Variants in PRKG1 observed in about 807,000 individuals in gnomAD.
PRKG1 encodes cGMP-dependent protein kinase 1.
Under a neutral mutation model 88.1 loss-of-function variants are expected in PRKG1, and 35 were observed. The ratio of observed to expected loss-of-function variants is 0.40; its 90% CI spans 0.30 to 0.53. The LOEUF (loss-of-function observed/expected upper bound fraction) is 0.53, where lower values mean the gene tolerates loss of function less well. Ranked by LOEUF, PRKG1 falls within the 20% of genes least tolerant of loss-of-function variation. The probability of loss-of-function intolerance (pLI) is 0.59; values close to 1 mark genes in which losing one functional copy is unlikely to be tolerated. For missense variants in PRKG1, 540 were observed against 839.8 expected, an observed-to-expected ratio of 0.64 and a Z score of 4.41; for synonymous variants, 303 against 292.5, an observed-to-expected ratio of 1.04 and a Z score of -0.37.
intron 4 of PRKG1, among the ~76,000 whole-genome samples, chr10:51,903,817 T>A (rs12241315): frequency 0.014 from 2,185 of 152,220 alleles, 60 homozygotes; most frequent in African/African-American, 0.05. Flanking sequence ...AACTCCACCA[T>A]CATTTACAGG....
intron 1 of PRKG1, among the ~76,000 whole-genome samples, chr10:51,116,804 A>G (rs1845133316): frequency 6.6e-6 from 1 of 152,128 alleles, no homozygotes; most frequent in Non-Finnish European, 1.5e-5. Flanking sequence ...CATGAGCAAT[A>G]TTGAACAGCG....
chr10:52,072,412 G>C (rs1296980888), intron 7 of PRKG1, among the ~76,000 whole-genome samples: 1 of 151,796 alleles, frequency 6.6e-6, no homozygotes, highest in East Asian at 1.9e-4. Context: ...CTCCTCTTCA[G>C]GATTTATAAA....
chr10:51,094,338 T>C (rs1844471252), intron 1 of PRKG1, among the ~76,000 whole-genome samples: 1 of 152,108 alleles, frequency 6.6e-6, no homozygotes, highest in Admixed American at 6.6e-5. Context: ...TAAATCTTAA[T>C]AATTAGGAAA....
At chr10:52,195,202 A>G (rs1839473082) in intron 9 of PRKG1, among the ~76,000 whole-genome samples, 1 of 148,448 alleles carries the variant, frequency 6.7e-6, no homozygotes. Context: ...GAGCTGGTTT[A>G]ATGCCACTGC....
rs183369457 is a variant in PRKG1, at chr10:51,976,372, G to A, written c.762+68802G>A. Among the ~76,000 whole-genome samples, 41 of 151,340 alleles carry A rather than the reference G, an allele frequency of 2.7e-4. 1 individual carries two copies. Among genetic ancestry groups the A allele is most frequent in the African/African-American group, 9.0e-4 (37 of 41,304 alleles). Reference sequence around the variant, plus strand: ...CATGCAAATGTCTATCATGATTAACGGAAAAACAAAATGTGATATATCTAC... The same window carrying A: ...CATGCAAATGTCTATCATGATTAACAGAAAAACAAAATGTGATATATCTAC... On this transcript the variant is annotated intron_variant, in intron 5 of 17. Transcript: ENST00000373980.
At chr10:51,928,273 T>C (rs1478767601) in intron 5 of PRKG1, among the ~76,000 whole-genome samples, 1 of 152,204 alleles carries the variant, frequency 6.6e-6, no homozygotes, top group African/African-American at 2.4e-5. Flanking sequence ...CTTTCTCTAT[T>C]TGAGGAAAAA....
rs1477873689 is a variant in PRKG1, at chr10:51,626,023, T to A, written c.592+158187T>A. ...GTAATAGTAATTTTATTTTACTTGC[T>A]GCACGACAATATTGCTGAAGTCAAT... On this transcript the variant is annotated intron_variant, in intron 3 of 17. Coordinates refer to ENST00000373980, the MANE Select transcript of PRKG1 (RefSeq NM_006258.4). 5.9e-5 allele frequency among the ~76,000 whole-genome samples: 9 copies of A among 152,252 alleles called. No individual in the cohort carries two copies. The East Asian group carries it at 1.7e-3, about 29-fold the overall frequency.
Position 51,600,297 on chromosome 10 carries a change from A to G in PRKG1, c.592+132461A>G, listed in dbSNP as rs182474101. ...TTATTATAGGTGGACTCTACTTTCTAACACTACTGATTATGGCCTTCTTCA... is the reference window on the plus strand; with the variant it reads ...TTATTATAGGTGGACTCTACTTTCTGACACTACTGATTATGGCCTTCTTCA... On this transcript the variant is annotated intron_variant, in intron 3 of 17. Coordinates refer to ENST00000373980, the MANE Select transcript of PRKG1 (RefSeq NM_006258.4). Among the ~76,000 whole-genome samples, 153 of 152,280 alleles carry G rather than the reference A, an allele frequency of 1.0e-3. 1 individual carries two copies. Among genetic ancestry groups the G allele is most frequent in the African/African-American group, 2.8e-3 (117 of 41,562 alleles).
intron 3 of PRKG1, among the ~76,000 whole-genome samples, chr10:51,600,062 CATA>C (rs1564567675): frequency 6.6e-6 from 1 of 152,138 alleles, no homozygotes; most frequent in Non-Finnish European, 1.5e-5. Context: ...AACTGATTTT[CATA>C]ATGTTAGATG....
chr10:52,098,115 G>A (rs567470415), intron 7 of PRKG1, among the ~76,000 whole-genome samples: 1 of 152,232 alleles, frequency 6.6e-6, no homozygotes, highest in East Asian at 1.9e-4. Flanking sequence ...GTTACAGTAG[G>A]TTAATTCAGC....
chr10:52,131,638 G>T (rs1837261506), intron 7 of PRKG1, among the ~76,000 whole-genome samples: 3 of 151,716 alleles, frequency 2.0e-5, no homozygotes, highest in Admixed American at 2.0e-4. Flanking sequence ...CCTGAGGTCA[G>T]GAGTTCGAGA....
intron 4 of PRKG1, among the ~76,000 whole-genome samples, chr10:51,843,785 C>T (rs1295661524): frequency 6.6e-6 from 1 of 152,068 alleles, no homozygotes; most frequent in East Asian, 1.9e-4. Flanking sequence ...AAATTTGAAA[C>T]AAAATTATAG....
intron 3 of PRKG1, among the ~76,000 whole-genome samples, chr10:51,478,080 A>G (rs1397484168): frequency 1.3e-5 from 2 of 152,036 alleles, no homozygotes; most frequent in East Asian, 3.9e-4. Flanking sequence ...TCCTGTTGCC[A>G]TCACTTCTCT....
chr10:51,557,331 C>T (rs767265604), intron 3 of PRKG1, among the ~76,000 whole-genome samples: 9 of 138,528 alleles, frequency 6.5e-5, no homozygotes, highest in Admixed American at 7.3e-5. Context: ...TTCTGGGCAC[C>T]GGCATACACC....
At chr10:51,076,864 G>A (rs963971324) in intron 1 of PRKG1, among the ~76,000 whole-genome samples, 5 of 152,138 alleles carry the variant, frequency 3.3e-5, no homozygotes, top group African/African-American at 1.2e-4. Flanking sequence ...AACACTGTGT[G>A]TCCTGATACT....
At chr10:52,139,570 G>T (rs1837519349) in intron 8 of PRKG1, among the ~76,000 whole-genome samples, 1 of 152,124 alleles carries the variant, frequency 6.6e-6, no homozygotes, top group Non-Finnish European at 1.5e-5. Flanking sequence ...ATCACACAGT[G>T]AACCAGCCAT....
At chr10:52,048,266 C>T (rs1845909373) in intron 5 of PRKG1, among the ~76,000 whole-genome samples, 1 of 151,622 alleles carries the variant, frequency 6.6e-6, no homozygotes, top group African/African-American at 2.4e-5. Flanking sequence ...TTAATAAAGA[C>T]TTAAGCATAA....
chr10:51,595,511 T>C lies in PRKG1; in HGVS notation c.592+127675T>C, dbSNP rs114233592. 5.2e-4 allele frequency among the ~76,000 whole-genome samples: 79 copies of C among 151,770 alleles called. 2 individuals are homozygous for C. The highest frequency in any genetic ancestry group is 4.0e-4 in the Non-Finnish European group (27 of 67,992). On this transcript the variant is annotated intron_variant, in intron 3 of 17. Coordinates refer to ENST00000373980, the MANE Select transcript of PRKG1 (RefSeq NM_006258.4). Reference sequence around the variant, plus strand: ...TGAACATGTTGGTGCATGCCTGTAATAGTAGCTACTTGAGAGGCTGAGGCA... The same window carrying C: ...TGAACATGTTGGTGCATGCCTGTAACAGTAGCTACTTGAGAGGCTGAGGCA...
chr10:51,382,097 T>A (rs1186655241), intron 2 of PRKG1, among the ~76,000 whole-genome samples: 1 of 152,174 alleles, frequency 6.6e-6, no homozygotes, highest in Admixed American at 6.5e-5. Flanking sequence ...GTAATTAGAT[T>A]TCAAACATCA....
Sources: gnomAD v4.1 joint callset for allele counts (sites outside exome capture counted in the v4.1 genomes callset) on GRCh38, gnomAD v4.1.1 for gene constraint, MANE v1.5 for transcripts, NCBI Gene and HGNC (gene_info 2026-07-23, HGNC 2026-07-21) for gene names.